Variants in MPP7 observed in about 807,000 individuals in gnomAD.
The protein encoded by MPP7 is MAGUK p55 scaffold protein 7.
MPP7 carries 60 observed loss-of-function variants against 76.5 expected under a neutral mutation model. The ratio of observed to expected loss-of-function variants is 0.78; its 90% CI spans 0.64 to 0.97. The LOEUF (loss-of-function observed/expected upper bound fraction) is 0.97, where lower values mean the gene tolerates loss of function less well. Among genes scored for constraint, MPP7 ranks in the 50% least tolerant of loss-of-function variants. The probability of loss-of-function intolerance (pLI) is 0.00; values close to 1 mark genes in which losing one functional copy is unlikely to be tolerated. For synonymous variants in MPP7, 237 were observed against 244.5 expected (o/e 0.97, Z 0.29); for missense variants, 641 against 694.0 (o/e 0.92, Z 0.86).
At chr10:28,251,866 G>C (rs994961865) in intron 1 of MPP7, among the ~76,000 whole-genome samples, 11 of 152,128 alleles carry the variant, frequency 7.2e-5, no homozygotes, top group African/African-American at 2.4e-4. Context: ...AGACCAGCCT[G>C]AGCAACACAG....
chr10:28,294,733 T>C (rs1371428187), intron 1 of MPP7, among the ~76,000 whole-genome samples: 1 of 152,224 alleles, frequency 6.6e-6, no homozygotes. Context: ...ATACGTACTG[T>C]TTTTATGGAT....
intron 5 of MPP7, among the ~76,000 whole-genome samples, chr10:28,140,893 C>T (rs1411414314): frequency 6.6e-6 from 1 of 152,164 alleles, no homozygotes; most frequent in African/African-American, 2.4e-5. Flanking sequence ...AGAATTCCAA[C>T]ACATAGTAAA....
At chr10:28,237,153 A>G (rs1564723891) in intron 2 of MPP7, among the ~76,000 whole-genome samples, 1 of 152,238 alleles carries the variant, frequency 6.6e-6, no homozygotes, top group African/African-American at 2.4e-5. Context: ...AAGCAACGAT[A>G]TTTTGCATTA....
rs1003948928 is a variant in MPP7, at chr10:28,051,347, A to G, written c.*2718T>C. On this transcript the variant is annotated 3_prime_UTR_variant, in exon 17 of 17. Transcript: ENST00000683449. ...AATTATTACAGTTTAGATACATTCAATCATTACACAATACCAGGAAGGTCA... is the reference window on the plus strand; with the variant it reads ...AATTATTACAGTTTAGATACATTCAGTCATTACACAATACCAGGAAGGTCA... The G allele has an allele frequency of 4.6e-5, 7 of 152,206 alleles. No individual in the cohort carries two copies. Among genetic ancestry groups the G allele is most frequent in the African/African-American group, 1.4e-4 (6 of 41,462 alleles). The allele number at this position is 152,206 out of a possible 1,614,324, so 9.4% of individuals were successfully genotyped here.
chr10:28,179,086 T>C (rs1295740612), intron 3 of MPP7, among the ~76,000 whole-genome samples: 1 of 152,104 alleles, frequency 6.6e-6, no homozygotes, highest in Non-Finnish European at 1.5e-5. Flanking sequence ...AAAAGGTCCA[T>C]TGGATCCAAC....
At chr10:28,056,038 TCTTACATCTTATCTACTG>T (rs1851540705) in intron 16 of MPP7, among the ~76,000 whole-genome samples, 1 of 152,198 alleles carries the variant, frequency 6.6e-6, no homozygotes, top group South Asian at 2.1e-4. Flanking sequence ...TACAACTGTA[TCTTACATCTTATCTACTG>T]CTTATATCTT....
intron 1 of MPP7, among the ~76,000 whole-genome samples, chr10:28,254,371 T>C (rs990076920): frequency 1.3e-5 from 2 of 152,148 alleles, no homozygotes; most frequent in Admixed American, 6.6e-5. Context: ...AGTAATGATG[T>C]TATATTGTAA....
intron 1 of MPP7, among the ~76,000 whole-genome samples, chr10:28,248,219 A>G (rs1839499843): frequency 6.6e-6 from 1 of 152,150 alleles, no homozygotes; most frequent in African/African-American, 2.4e-5. Flanking sequence ...GAATGAATCT[A>G]TCTGATTAGG....
At chr10:28,122,925 T>C (rs879544120) in intron 8 of MPP7, among the ~76,000 whole-genome samples, 4 of 152,180 alleles carry the variant, frequency 2.6e-5, no homozygotes, top group Non-Finnish European at 5.9e-5. Context: ...TTCTACCTTA[T>C]AATTATAGAA....
chr10:28,133,232 CAG>C (rs2133689199), intron 5 of MPP7, among the ~76,000 whole-genome samples: 1 of 152,316 alleles, frequency 6.6e-6, no homozygotes, highest in African/African-American at 2.4e-5. Flanking sequence ...ACAGTGTAGC[CAG>C]AGTGATTATT....
chr10:28,118,324 A>AATG (rs1173860260), intron 11 of MPP7: 69 of 978,222 alleles, frequency 7.1e-5, no homozygotes, highest in Non-Finnish European at 7.9e-5. Flanking sequence ...ATTTTCAATC[A>AATG]ATGAAAATTT....
chr10:28,112,443 A>T (rs946284176), intron 11 of MPP7, among the ~76,000 whole-genome samples: 15 of 152,226 alleles, frequency 9.9e-5, no homozygotes, highest in African/African-American at 3.4e-4. Context: ...CAATCCACAA[A>T]AAAATCTGTA....
chr10:28,232,704 A>G (rs1838930338), intron 2 of MPP7, among the ~76,000 whole-genome samples: 1 of 152,198 alleles, frequency 6.6e-6, no homozygotes, highest in Non-Finnish European at 1.5e-5. Flanking sequence ...CACATTGCCT[A>G]TGAATGCTTA....
intron 11 of MPP7, chr10:28,118,560 A>G: frequency 1.0e-6 from 1 of 985,430 alleles, no homozygotes; most frequent in Non-Finnish European, 1.2e-6. Context: ...TGAGTTGGCC[A>G]GTGAAAAGTC....
At chr10:28,165,823 G>A (rs1025577187) in intron 3 of MPP7, among the ~76,000 whole-genome samples, 5 of 151,974 alleles carry the variant, frequency 3.3e-5, no homozygotes, top group East Asian at 1.9e-4. Flanking sequence ...TCAGGAGTTC[G>A]AGACCAGCCT....
intron 15 of MPP7, 116 bp downstream of exon 15, chr10:28,058,379 G>A (rs1588706805): frequency 2.0e-6 from 1 of 505,932 alleles, no homozygotes; most frequent in African/African-American, 2.0e-5. Context: ...TCTCAGAAAA[G>A]CCACATATAT....
chr10:28,101,207 T>C (rs1853810007), intron 11 of MPP7, among the ~76,000 whole-genome samples: 1 of 152,188 alleles, frequency 6.6e-6, no homozygotes, highest in South Asian at 2.1e-4. Flanking sequence ...AGAACCTGTG[T>C]CACTTCTGAA....
At chr10:28,154,746 G>A (rs1290258572) in intron 3 of MPP7, among the ~76,000 whole-genome samples, 1 of 90,644 alleles carries the variant, frequency 1.1e-5, no homozygotes, top group Non-Finnish European at 2.1e-5. Flanking sequence ...TAGTTGGGGT[G>A]GGGGGTGGTG....
At chr10:28,178,454 A>G (rs1328300729) in intron 3 of MPP7, among the ~76,000 whole-genome samples, 1 of 144,980 alleles carries the variant, frequency 6.9e-6, no homozygotes, top group East Asian at 1.9e-4. Context: ...GCAAAACAGG[A>G]AAAAAAAAGT....
Sources: gnomAD v4.1 joint callset for allele counts (sites outside exome capture counted in the v4.1 genomes callset) on GRCh38, gnomAD v4.1.1 for gene constraint, MANE v1.5 for transcripts, NCBI Gene and HGNC (gene_info 2026-07-23, HGNC 2026-07-21) for gene names.